TMEM135: variants seen among roughly 807,000 people sequenced by gnomAD.
TMEM135 encodes the protein peroxisomal membrane protein 52.
In TMEM135, 30 loss-of-function variants were observed where a neutral mutation model predicts 60.3. The ratio of observed to expected loss-of-function variants is 0.50; its 90% CI spans 0.37 to 0.68. The LOEUF is 0.68. TMEM135 is among the 30% of genes least tolerant of loss of function. The pLI is 0.00. For missense variants in TMEM135, 468 were observed against 548.8 expected (o/e 0.85, Z 1.47); for synonymous variants, 190 against 186.7 (o/e 1.02, Z -0.14).
At chr11:87,236,414 T>C (rs560578027) in intron 5 of TMEM135, among the ~76,000 whole-genome samples, 315 of 152,144 alleles carry the variant, frequency 2.1e-3, no homozygotes, top group Non-Finnish European at 3.3e-3. Flanking sequence ...ACAAATTTTG[T>C]TGGACCACAT....
At chr11:87,276,359 A>G (rs1941965668) in intron 6 of TMEM135, among the ~76,000 whole-genome samples, 1 of 152,142 alleles carries the variant, frequency 6.6e-6, no homozygotes, top group Non-Finnish European at 1.5e-5. Context: ...CAAGTACTTA[A>G]CCAAAACTGG....
intron 6 of TMEM135, among the ~76,000 whole-genome samples, chr11:87,259,732 G>GTGA (rs769881218): frequency 6.6e-5 from 10 of 152,184 alleles, no homozygotes; most frequent in Non-Finnish European, 1.5e-4. Context: ...TTTCAGATGT[G>GTGA]TGATTGAGTC....
intron 1 of TMEM135, among the ~76,000 whole-genome samples, chr11:87,040,161 A>C (rs1472050277): frequency 6.6e-6 from 1 of 152,244 alleles, no homozygotes; most frequent in Admixed American, 6.5e-5. Flanking sequence ...GTGAAATGGA[A>C]GAAAATAAAA....
At chr11:87,159,617 A>ACACACACACACACACCC (rs140303858) in intron 5 of TMEM135, among the ~76,000 whole-genome samples, 1 of 149,342 alleles carries the variant, frequency 6.7e-6, no homozygotes, top group East Asian at 2.0e-4. Flanking sequence ...ACACACACAC[A>ACACACACACACACACCC]CCATAGATTT....
At position 87,327,069 on chromosome 11, in the gene TMEM135, G is replaced by T. The variant is rs1019635404; in HGVS notation, c.*5736G>T. On this transcript the variant is annotated 3_prime_UTR_variant, in exon 15 of 15. Coordinates refer to ENST00000305494, the MANE Select transcript of TMEM135 (RefSeq NM_022918.4). ...AGACAGTTACATGCCTAGCCCCAGG[G>T]ATGAATCATAATTGTTCTAGGCCTT... 5 of 453,904 alleles carry T rather than the reference G, an allele frequency of 1.1e-5. No homozygotes were observed. The highest frequency in any genetic ancestry group is 2.2e-5 in the Non-Finnish European group (5 of 226,762). 28.1% of individuals were successfully genotyped at this position (453,904 alleles called of 1,614,324 possible). A position where few individuals can be genotyped will look rare whatever the true frequency, so the allele number is the denominator to read the frequency against.
At chr11:87,190,568 TA>T (rs1003947468) in intron 5 of TMEM135, among the ~76,000 whole-genome samples, 16 of 148,886 alleles carry the variant, frequency 1.1e-4, no homozygotes, top group African/African-American at 2.0e-4. Flanking sequence ...AAAGTTGCCT[TA>T]AAAAAAAAAC....
At chr11:87,138,319 G>A (rs931976900) in intron 4 of TMEM135, among the ~76,000 whole-genome samples, 3 of 152,134 alleles carry the variant, frequency 2.0e-5, no homozygotes, top group African/African-American at 7.2e-5. Flanking sequence ...TCAAGCTCGT[G>A]ACCTCAGGTG....
intron 4 of TMEM135, among the ~76,000 whole-genome samples, chr11:87,135,362 C>T (rs916240970): frequency 3.9e-5 from 6 of 152,010 alleles, no homozygotes; most frequent in Admixed American, 6.6e-5. Context: ...CTAGATTTTA[C>T]GTTTAACTCT....
At chr11:87,090,623 A>G (rs139034329) in intron 3 of TMEM135, among the ~76,000 whole-genome samples, 1 of 152,262 alleles carries the variant, frequency 6.6e-6, no homozygotes. Flanking sequence ...CTTAAAACCT[A>G]TTGAAGACAT....
chr11:87,082,401 A>G (rs1295949950), intron 3 of TMEM135, among the ~76,000 whole-genome samples: 1 of 152,218 alleles, frequency 6.6e-6, no homozygotes, highest in Non-Finnish European at 1.5e-5. Flanking sequence ...GAAGTTATGC[A>G]TATTTTAAAA....
intron 8 of TMEM135, among the ~76,000 whole-genome samples, chr11:87,302,655 G>A (rs1438515104): frequency 6.6e-6 from 1 of 152,154 alleles, no homozygotes; most frequent in African/African-American, 2.4e-5. Context: ...CTTTAAAAGA[G>A]GTTTGCATAA....
chr11:87,234,119 C>T (rs1591124481), intron 5 of TMEM135, among the ~76,000 whole-genome samples: 1 of 152,140 alleles, frequency 6.6e-6, no homozygotes, highest in East Asian at 1.9e-4. Context: ...TCCAGGGGCT[C>T]TATGCATATG....
At chr11:87,070,731 C>G (rs1168071779) in intron 2 of TMEM135, among the ~76,000 whole-genome samples, 1 of 152,050 alleles carries the variant, frequency 6.6e-6, no homozygotes, top group Non-Finnish European at 1.5e-5. Context: ...TGTGAGGATT[C>G]CTACTTTCAA....
At position 87,326,045 on chromosome 11, in the gene TMEM135, C is replaced by A; in HGVS notation, c.*4712C>A. The A allele has an allele frequency of 2.2e-6, 1 of 453,774 alleles. No individual in the cohort carries two copies. The highest frequency in any genetic ancestry group is 4.4e-6 in the Non-Finnish European group (1 of 226,748). 28.1% of individuals were successfully genotyped at this position (453,774 alleles called of 1,614,324 possible). On this transcript the variant is annotated 3_prime_UTR_variant, in exon 15 of 15. Coordinates refer to ENST00000305494, the MANE Select transcript of TMEM135 (RefSeq NM_022918.4). ...ACATCAGGGCCAAGAGCAGTTTATA[C>A]TTCTTTCTTTAGCTCACAAACTACT...
chr11:87,285,695 G>A (rs7115516), intron 6 of TMEM135, among the ~76,000 whole-genome samples: 55,604 of 151,964 alleles, frequency 0.37, 10,827 homozygotes, highest in Non-Finnish European at 0.43. Flanking sequence ...GTATTGCAAA[G>A]AGCGAAAGAA....
rs1437682518 is a variant in TMEM135 at position 87,324,491 on chromosome 11, A to C, written c.*3158A>C. The C allele has an allele frequency of 4.4e-6, 2 of 453,626 alleles. No individual in the cohort carries two copies. Among genetic ancestry groups the C allele is most frequent in the Non-Finnish European group, 8.8e-6 (2 of 226,684 alleles). 28.1% of individuals were successfully genotyped at this position (453,626 alleles called of 1,614,324 possible). A position where few individuals can be genotyped will look rare whatever the true frequency, so the allele number is the denominator to read the frequency against. On this transcript the variant is annotated 3_prime_UTR_variant, in exon 15 of 15. Coordinates refer to ENST00000305494, the MANE Select transcript of TMEM135 (RefSeq NM_022918.4). ...GGTTGGAGTACAGTGGTGCAATCAT[A>C]GCTCATTGAAACCTCAAATTCCTTG...
At chr11:87,152,551 G>C (rs1319267648) in intron 4 of TMEM135, among the ~76,000 whole-genome samples, 10 of 152,206 alleles carry the variant, frequency 6.6e-5, no homozygotes, top group Admixed American at 6.5e-4. Flanking sequence ...CGATTCTCCA[G>C]CCTCAGCCTT....
At chr11:87,238,145 C>T (rs1565497156) in intron 6 of TMEM135, among the ~76,000 whole-genome samples, 1 of 151,724 alleles carries the variant, frequency 6.6e-6, no homozygotes, top group Non-Finnish European at 1.5e-5. Context: ...GATATCTCTT[C>T]GATATATTGA....
chr11:87,314,489 CAAT>C lies in TMEM135; in HGVS notation c.1020_1022del (p.Met342del), dbSNP rs1942692226. The C allele has an allele frequency of 6.2e-7, 1 of 1,610,396 alleles. No individual in the cohort carries two copies. The highest frequency in any genetic ancestry group is 8.5e-7 in the Non-Finnish European group (1 of 1,177,494). ...GTTTCAGGATTTTTGGCAGGTATAT[CAAT>C]GATGTTTTATAAAAGCACAACAATT... is the stretch of plus-strand genomic sequence containing the variant. On this transcript the variant is annotated inframe_deletion, in exon 12 of 15. Coordinates refer to ENST00000305494, the MANE Select transcript of TMEM135 (RefSeq NM_022918.4).
Sources: gnomAD v4.1 joint callset for allele counts (sites outside exome capture counted in the v4.1 genomes callset) on GRCh38, gnomAD v4.1.1 for gene constraint, MANE v1.5 for transcripts, NCBI Gene and HGNC (gene_info 2026-07-23, HGNC 2026-07-21) for gene names.